UBTD2: variants seen among roughly 807,000 people sequenced by gnomAD.
The protein encoded by UBTD2 is ubiquitin domain containing 2, also known as ubiquitin domain-containing protein 2.
In UBTD2, 9 loss-of-function variants were observed where a neutral mutation model predicts 19.8. The observed-to-expected ratio is 0.46, with a 90% CI of 0.27 to 0.79. The LOEUF (loss-of-function observed/expected upper bound fraction) is 0.79, where lower values mean the gene tolerates loss of function less well. UBTD2 is among the 30% of genes least tolerant of loss of function. The pLI, the probability that UBTD2 is intolerant of heterozygous loss-of-function variation, is 0.14. For synonymous variants in UBTD2, 98 were observed against 103.9 expected, an observed-to-expected ratio of 0.94 and a Z score of 0.35; for missense variants, 250 against 300.4, an observed-to-expected ratio of 0.83 and a Z score of 1.24.
intron 2 of UBTD2, among the ~76,000 whole-genome samples, chr5:172,222,205 G>T (rs1186057463): frequency 1.3e-5 from 2 of 152,158 alleles, no homozygotes; most frequent in Non-Finnish European, 2.9e-5. Flanking sequence ...AGAGCAGACT[G>T]GCCCCTTTGT....
In UBTD2 at chr5:172,234,320, GT is replaced by G; in HGVS notation, c.108del (p.Lys36AsnfsTer10). On this transcript the variant is annotated frameshift_variant, in exon 2 of 3. Transcript: ENST00000393792. LOFTEE classifies it high-confidence loss of function. ...ATAGGATAATCGCTTTTCCATTTTG[GT>G]TTCTCCTTTTTCAAAGGCTGGTTAC... The part of the protein sequence containing the change: ...LGRNQPLKKE[K>X]PKWKSDYPMT... 3 of 1,614,072 alleles carry G rather than the reference GT, an allele frequency of 1.9e-6. No individual in the cohort carries two copies. Among genetic ancestry groups the G allele is most frequent in the Non-Finnish European group, 2.5e-6 (3 of 1,180,026 alleles).
At chr5:172,260,358 G>T (rs28545701) in intron 1 of UBTD2, among the ~76,000 whole-genome samples, 48,975 of 151,792 alleles carry the variant, frequency 0.32, 7,990 homozygotes, top group South Asian at 0.42. Context: ...AGATAAGACT[G>T]TTAGTATCCA....
In UBTD2 at chr5:172,283,406, C is replaced by T. The variant is rs1263118405; in HGVS notation, c.70+190G>A. 6.6e-6 allele frequency among the ~76,000 whole-genome samples: 1 copy of T among 152,128 alleles called. No homozygotes were observed. Among genetic ancestry groups the T allele is most frequent in the African/African-American group, 2.4e-5 (1 of 41,424 alleles). On this transcript the variant is annotated intron_variant, in intron 1 of 2. Coordinates refer to ENST00000393792, the MANE Select transcript of UBTD2 (RefSeq NM_152277.3). The surrounding 1 kb of genome is among the most constrained non-coding windows in gnomAD (Gnocchi z 4.3). ...CCCCGGCGCTCAGAGGACTTTTCTT[C>T]AGGGCTGGGGCGGGAAGGGGCGACC...
At position 172,253,780 on chromosome 5, in the gene UBTD2, T is replaced by TA. The variant is rs1755080145; in HGVS notation, c.71-19423dup. On this transcript the variant is annotated intron_variant, in intron 1 of 2. Transcript: ENST00000393792. ...ACCCAATGAATTCTTAAATTTTTTTTATTTCTAATAAATTTACTCTGACAT... is the reference window on the plus strand; with the variant it reads ...ACCCAATGAATTCTTAAATTTTTTTTAATTTCTAATAAATTTACTCTGACAT... Among the ~76,000 whole-genome samples the TA allele has an allele frequency of 2.0e-5, 3 of 152,024 alleles. No homozygotes were observed. In the South Asian group the frequency reaches 6.2e-4, roughly 32 times the overall value.
chr5:172,229,442 A>C (rs1771845134), intron 2 of UBTD2, among the ~76,000 whole-genome samples: 1 of 139,006 alleles, frequency 7.2e-6, no homozygotes, highest in Non-Finnish European at 1.5e-5. Flanking sequence ...TGGAGCTTGC[A>C]GTGAGCCGAG....
At chr5:172,267,489 A>C (rs969101623) in intron 1 of UBTD2, among the ~76,000 whole-genome samples, 1 of 152,216 alleles carries the variant, frequency 6.6e-6, no homozygotes, top group African/African-American at 2.4e-5. Flanking sequence ...GGTTCCACTA[A>C]ATGTCACAGC....
intron 1 of UBTD2, among the ~76,000 whole-genome samples, chr5:172,281,996 A>T (rs967423047): frequency 6.6e-6 from 1 of 152,220 alleles, no homozygotes; most frequent in Non-Finnish European, 1.5e-5. Flanking sequence ...CCATATTAAT[A>T]ATGCCTGTCT....
intron 1 of UBTD2, among the ~76,000 whole-genome samples, chr5:172,263,412 A>G (rs1442903521): frequency 6.6e-6 from 1 of 152,232 alleles, no homozygotes; most frequent in Admixed American, 6.5e-5. Context: ...CTGTATTACT[A>G]AACATCTCAT....
intron 2 of UBTD2, among the ~76,000 whole-genome samples, chr5:172,216,429 A>G (rs1263990534): frequency 1.3e-5 from 2 of 151,398 alleles, no homozygotes; most frequent in African/African-American, 2.4e-5. Context: ...TTCAAACTTC[A>G]GGAAATCAAA....
chr5:172,273,590 CA>C (rs35687001), intron 1 of UBTD2, among the ~76,000 whole-genome samples: 377 of 36,388 alleles, frequency 0.01, 1 homozygote, highest in Middle Eastern at 0.027. Flanking sequence ...GACTCCGTCT[CA>C]AAAAAAAAAA....
intron 1 of UBTD2, among the ~76,000 whole-genome samples, chr5:172,248,374 G>C (rs920098362): frequency 3.9e-4 from 59 of 152,226 alleles, no homozygotes; most frequent in Non-Finnish European, 5.9e-4. Flanking sequence ...CAGATCATGG[G>C]GTCAGGAATT....
intron 1 of UBTD2, among the ~76,000 whole-genome samples, chr5:172,271,628 A>G (rs1755495293): frequency 6.6e-6 from 1 of 152,116 alleles, no homozygotes; most frequent in African/African-American, 2.4e-5. Flanking sequence ...CCTTATTTAC[A>G]TCTCTAATTA....
At position 172,218,783 on chromosome 5, in the gene UBTD2, A is replaced by AT. The variant is rs1307044737; in HGVS notation, c.308-6557_308-6556insA. On this transcript the variant is annotated intron_variant, in intron 2 of 2. Coordinates refer to ENST00000393792, the MANE Select transcript of UBTD2 (RefSeq NM_152277.3). ...GAGTCAGACCCTGTCACCAAAAAAA[A>AT]AAAAAATAAAAAAATAAAAAAAAAA... Among the ~76,000 whole-genome samples, 247 of 67,386 alleles carry AT rather than the reference A, an allele frequency of 3.7e-3. 1 individual carries two copies. The East Asian group carries it at 0.052, about 14-fold the overall frequency. The allele number at this position is 67,386 out of a possible 152,430, so 44.2% of individuals were successfully genotyped here. A position where few individuals can be genotyped will look rare whatever the true frequency, so the allele number is the denominator to read the frequency against.
At chr5:172,251,500 G>A (rs1322444259) in intron 1 of UBTD2, among the ~76,000 whole-genome samples, 81 of 132,120 alleles carry the variant, frequency 6.1e-4, no homozygotes, top group Middle Eastern at 4.7e-3. Flanking sequence ...GAGATAAAGA[G>A]AAGATCCTGA....
intron 1 of UBTD2, among the ~76,000 whole-genome samples, chr5:172,272,275 A>G (rs138124522): frequency 6.6e-6 from 1 of 152,356 alleles, no homozygotes; most frequent in Non-Finnish European, 1.5e-5. Context: ...ATACATGCTG[A>G]TTGTTCTTGG....
intron 2 of UBTD2, among the ~76,000 whole-genome samples, chr5:172,227,415 G>A (rs931287963): frequency 2.6e-5 from 4 of 152,100 alleles, no homozygotes; most frequent in Non-Finnish European, 4.4e-5. Flanking sequence ...CCTTCATTAA[G>A]GCCCTGTTTC....
intron 1 of UBTD2, among the ~76,000 whole-genome samples, chr5:172,249,408 A>C (rs1373500703): frequency 1.3e-5 from 1 of 75,584 alleles, no homozygotes; most frequent in East Asian, 4.5e-4. Context: ...CATGAAAAAA[A>C]AAAAAAAAAA....
chr5:172,223,502 TGGA>T (rs1212319848), intron 2 of UBTD2, among the ~76,000 whole-genome samples: 1 of 138,594 alleles, frequency 7.2e-6, no homozygotes, highest in African/African-American at 2.7e-5. Flanking sequence ...AGGAGGCTGA[TGGA>T]GGAGAATTGC....
At chr5:172,233,078 A>G (rs757192085) in intron 2 of UBTD2, among the ~76,000 whole-genome samples, 108 of 152,254 alleles carry the variant, frequency 7.1e-4, no homozygotes, top group Non-Finnish European at 1.3e-3. Flanking sequence ...GCACCACTGC[A>G]CTCCAGCCTG....
Sources: gnomAD v4.1 joint callset for allele counts (sites outside exome capture counted in the v4.1 genomes callset) on GRCh38, gnomAD v4.1.1 for gene constraint, Gnocchi (gnomAD v3.1) non-coding constraint, MANE v1.5 for transcripts, NCBI Gene and HGNC (gene_info 2026-07-23, HGNC 2026-07-21) for gene names.